Variants in PUS10 observed in about 807,000 individuals in gnomAD.
The protein encoded by PUS10 is tRNA pseudouridine synthase Pus10.
Under a neutral mutation model 75.0 loss-of-function variants are expected in PUS10, and 59 were observed. That is an observed-to-expected ratio of 0.79 (90% CI 0.64 to 0.98). The LOEUF (loss-of-function observed/expected upper bound fraction) is 0.98, where lower values mean the gene tolerates loss of function less well. PUS10 is among the 50% of genes least tolerant of loss of function. The pLI, the probability that PUS10 is intolerant of heterozygous loss-of-function variation, is 0.00. For synonymous variants in PUS10, 219 were observed against 211.6 expected (o/e 1.03, Z -0.30); for missense variants, 650 against 614.4 (o/e 1.06, Z -0.61).
intron 4 of PUS10, among the ~76,000 whole-genome samples, chr2:61,004,905 T>C (rs1679105156): frequency 1.3e-5 from 2 of 152,230 alleles, no homozygotes; most frequent in Non-Finnish European, 2.9e-5. Context: ...AATAGTTTTC[T>C]GGCTAAAATT....
chr2:60,948,166 T>C lies in PUS10; in HGVS notation c.1328A>G (p.Lys443Arg). The change falls in exon 16 of 18, where the codon AAA becomes AGA. Residue 443 changes from lysine to arginine, a missense_variant. Transcript: ENST00000316752. The stretch of plus-strand genomic sequence containing the variant: ...TCGGTGAAGGACGCGCAAAGGTGTT[T>C]TCTGGTCGATTTTTAAGTCCTAGGG... ...NDIKDLKIDQ[K>R]TPLRVLHRRP... 6.2e-7 allele frequency: 1 copy of C among 1,614,094 alleles called. No homozygotes were observed. The highest frequency in any genetic ancestry group is 1.3e-5 in the African/African-American group (1 of 75,000).
chr2:60,978,200 T>C, intron 4 of PUS10, among the ~76,000 whole-genome samples: 1 of 151,708 alleles, frequency 6.6e-6, no homozygotes, highest in South Asian at 2.1e-4. Context: ...GGAGGGTGGA[T>C]CACCTGAGGC....
At chr2:61,007,952 C>T (rs984085163) in intron 3 of PUS10, among the ~76,000 whole-genome samples, 4 of 151,802 alleles carry the variant, frequency 2.6e-5, no homozygotes, top group Non-Finnish European at 5.9e-5. Flanking sequence ...TGGCGGGTGC[C>T]TGTAGTCCCA....
At chr2:61,008,047 G>A (rs1679350319) in intron 3 of PUS10, among the ~76,000 whole-genome samples, 1 of 151,238 alleles carries the variant, frequency 6.6e-6, no homozygotes, top group South Asian at 2.1e-4. Context: ...ACTGTGCTCC[G>A]GCCTGGGCAA....
chr2:61,017,097 T>TC (rs1680043359), intron 1 of PUS10: 1 of 152,240 alleles, frequency 6.6e-6, no homozygotes, highest in Non-Finnish European at 1.5e-5. Flanking sequence ...ACGAACTCTC[T>TC]CCCGCCACAC....
chr2:60,988,924 G>A lies in PUS10; in HGVS notation c.469-17367C>T, dbSNP rs181904518. ...CTCAAAGTGCTGGGATTACAGGCATGAGCCCCACCACCTGGCCAGGCATGC... is the reference window on the plus strand; with the variant it reads ...CTCAAAGTGCTGGGATTACAGGCATAAGCCCCACCACCTGGCCAGGCATGC... On this transcript the variant is annotated intron_variant, in intron 4 of 17. Coordinates refer to ENST00000316752, the MANE Select transcript of PUS10 (RefSeq NM_144709.4). Among the ~76,000 whole-genome samples the A allele has an allele frequency of 2.0e-5, 3 of 151,886 alleles. No individual in the cohort carries two copies. The East Asian group carries it at 5.8e-4, about 29-fold the overall frequency.
intron 4 of PUS10, among the ~76,000 whole-genome samples, chr2:60,989,331 A>G (rs1377660112): frequency 6.6e-6 from 1 of 152,204 alleles, no homozygotes; most frequent in Non-Finnish European, 1.5e-5. Flanking sequence ...TAACCCTAGT[A>G]AAAGAACAGA....
intron 4 of PUS10, among the ~76,000 whole-genome samples, chr2:60,973,631 C>T (rs1676836792): frequency 1.3e-5 from 2 of 152,266 alleles, no homozygotes; most frequent in Admixed American, 1.3e-4. Context: ...CGCCCCTTGG[C>T]AAGAACAGCC....
intron 15 of PUS10, among the ~76,000 whole-genome samples, chr2:60,952,111 G>A (rs371813882): frequency 1.4e-4 from 22 of 152,160 alleles, no homozygotes; most frequent in African/African-American, 5.1e-4. Context: ...TGGGGCAGGC[G>A]GATGACAAGG....
At chr2:60,983,678 A>C (rs1266289630) in intron 4 of PUS10, among the ~76,000 whole-genome samples, 3 of 146,636 alleles carry the variant, frequency 2.0e-5, no homozygotes, top group Non-Finnish European at 3.0e-5. Context: ...ATTGCATCTC[A>C]AAAAAAAAAA....
chr2:61,009,089 A>T lies in PUS10; in HGVS notation c.127-74T>A. The T allele has an allele frequency of 2.3e-6, 3 of 1,324,116 alleles. No homozygotes were observed. In the South Asian group the frequency reaches 4.4e-5, roughly 19 times the overall value. The allele number at this position is 1,324,116 out of a possible 1,614,324, so 82.0% of individuals were successfully genotyped here. On this transcript the variant is annotated intron_variant, in intron 2 of 17. Coordinates refer to ENST00000316752, the MANE Select transcript of PUS10 (RefSeq NM_144709.4). ...AAGGCTTTCTAGGTAAGATGAAACA[A>T]GAAAACATGAGTGAAAATTAGGACA...
chr2:60,962,662 A>G (rs569084524), intron 9 of PUS10, among the ~76,000 whole-genome samples, 164 bp downstream of exon 9: 2 of 152,330 alleles, frequency 1.3e-5, no homozygotes, highest in African/African-American at 4.8e-5. Context: ...TGAACACCAC[A>G]TATGCCAGGT....
intron 4 of PUS10, among the ~76,000 whole-genome samples, chr2:61,006,353 G>C (rs1018074303): frequency 6.6e-6 from 1 of 152,158 alleles, no homozygotes; most frequent in Non-Finnish European, 1.5e-5. Flanking sequence ...AAACTAACTT[G>C]CTTTGTTAGG....
chr2:61,017,483 G>A (rs1298371518), intron 1 of PUS10: 2 of 340,428 alleles, frequency 5.9e-6, no homozygotes, highest in Admixed American at 9.2e-5. Flanking sequence ...GGGAGTTGTA[G>A]CCGCTACCAG....
chr2:61,006,130 G>A (rs952629019), intron 4 of PUS10, among the ~76,000 whole-genome samples: 8 of 151,768 alleles, frequency 5.3e-5, no homozygotes, highest in African/African-American at 1.7e-4. Flanking sequence ...TGGAAGATAC[G>A]CCATCTTTTT....
At position 60,954,129 on chromosome 2, in the gene PUS10, G is replaced by A. The variant is rs1558876548; in HGVS notation, c.1087C>T (p.Pro363Ser). Residue 363 changes from proline to serine, a missense_variant, in exon 13 of 18, where the codon CCT becomes TCT. Transcript: ENST00000316752. ...TGTGAAGTGAAATGTACTCTATGAG[G>A]ATTCACCAGCTCAATTGCAAAGGGC... ...GRPFAIELVN[P>S]HRVHFTSQEI... 2.5e-6 allele frequency: 4 copies of A among 1,614,162 alleles called. No individual in the cohort carries two copies. In the East Asian group the frequency reaches 6.7e-5, roughly 27 times the overall value.
At chr2:60,993,408 G>A (rs1257251907) in intron 4 of PUS10, among the ~76,000 whole-genome samples, 1 of 151,700 alleles carries the variant, frequency 6.6e-6, no homozygotes, top group Non-Finnish European at 1.5e-5. Context: ...AGTGAGCTGA[G>A]ATCATGCCAC....
chr2:61,004,044 A>G (rs1022595466), intron 4 of PUS10, among the ~76,000 whole-genome samples: 5 of 152,350 alleles, frequency 3.3e-5, no homozygotes, highest in African/African-American at 1.2e-4. Context: ...AATTGACATC[A>G]ATCAATTTTA....
In PUS10 at chr2:60,966,506, G is replaced by A. The variant is rs535089510; in HGVS notation, c.615+996C>T. 5 of 151,922 alleles carry A rather than the reference G, an allele frequency of 3.3e-5. No individual in the cohort carries two copies. In the South Asian group the frequency reaches 1.0e-3, roughly 32 times the overall value. 9.4% of individuals were successfully genotyped at this position (151,922 alleles called of 1,614,324 possible). Reference sequence around the variant, plus strand: ...TGAACAACGCATTCCTTTTATTCAGGGAAACTTCACTCAACCCACATCTTT... The same window carrying A: ...TGAACAACGCATTCCTTTTATTCAGAGAAACTTCACTCAACCCACATCTTT... On this transcript the variant is annotated intron_variant, in intron 6 of 17. Transcript: ENST00000316752.
Sources: gnomAD v4.1 joint callset for allele counts (sites outside exome capture counted in the v4.1 genomes callset) on GRCh38, gnomAD v4.1.1 for gene constraint, MANE v1.5 for transcripts, NCBI Gene and HGNC (gene_info 2026-07-23, HGNC 2026-07-21) for gene names.